The following ZNF385B variants were observed in gnomAD, a reference collection of about 807,000 sequenced individuals.
The protein encoded by ZNF385B is zinc finger protein 385B.
ZNF385B carries 23 observed loss-of-function variants against 39.2 expected under a neutral mutation model. The observed-to-expected ratio is 0.59, with a 90% CI of 0.42 to 0.83. The LOEUF (loss-of-function observed/expected upper bound fraction) is 0.83. Ranked by LOEUF, ZNF385B falls within the 40% of genes least tolerant of loss-of-function variation. The pLI, the probability that ZNF385B is intolerant of heterozygous loss-of-function variation, is 0.00. For synonymous variants in ZNF385B, 205 were observed against 222.6 expected, an observed-to-expected ratio of 0.92 and a Z score of 0.70; for missense variants, 552 against 598.9, an observed-to-expected ratio of 0.92 and a Z score of 0.82.
At chr2:179,588,094 T>C (rs1687234139) in intron 3 of ZNF385B, among the ~76,000 whole-genome samples, 1 of 151,952 alleles carries the variant, frequency 6.6e-6, no homozygotes, top group Non-Finnish European at 1.5e-5. Flanking sequence ...TCTCTTTTAT[T>C]TTTTTTCCCC....
At chr2:179,777,443 C>G (rs920655962) in intron 1 of ZNF385B, among the ~76,000 whole-genome samples, 2 of 152,046 alleles carry the variant, frequency 1.3e-5, no homozygotes, top group African/African-American at 2.4e-5. Flanking sequence ...AAATGTAGCA[C>G]TAGCTAAATA....
At chr2:179,821,376 A>G (rs1292921055) in intron 1 of ZNF385B, among the ~76,000 whole-genome samples, 2 of 152,210 alleles carry the variant, frequency 1.3e-5, no homozygotes, top group African/African-American at 4.8e-5. Flanking sequence ...ATTCCCTCCA[A>G]CAAAGGATGC....
chr2:179,682,414 A>T (rs1054867631), intron 3 of ZNF385B, among the ~76,000 whole-genome samples: 4 of 152,140 alleles, frequency 2.6e-5, no homozygotes, highest in African/African-American at 9.7e-5. Context: ...TTCTCAAATT[A>T]TTTTTAAAAC....
Position 179,802,706 on chromosome 2 carries a change from T to C in ZNF385B, c.-154-32034A>G, listed in dbSNP as rs1280751315. Reference sequence around the variant, plus strand: ...TAGAATGGTACAGCTGTTTTGAAGCTGAATGACAGTGATTCAAACAGGCAT... The same window carrying C: ...TAGAATGGTACAGCTGTTTTGAAGCCGAATGACAGTGATTCAAACAGGCAT... On this transcript the variant is annotated intron_variant, in intron 1 of 9. Transcript: ENST00000410066. 2.0e-5 allele frequency: 3 copies of C among 152,222 alleles called. No homozygotes were observed. The East Asian group carries it at 5.8e-4, about 29-fold the overall frequency. 9.4% of individuals were successfully genotyped at this position (152,222 alleles called of 1,614,324 possible).
chr2:179,526,193 T>C (rs2058882399), intron 4 of ZNF385B, among the ~76,000 whole-genome samples: 1 of 151,350 alleles, frequency 6.6e-6, no homozygotes, highest in Admixed American at 6.6e-5. Flanking sequence ...TGTGCCACCA[T>C]ACCCAGCTAA....
At chr2:179,707,042 A>G (rs1699654024) in intron 3 of ZNF385B, among the ~76,000 whole-genome samples, 1 of 152,144 alleles carries the variant, frequency 6.6e-6, no homozygotes, top group Non-Finnish European at 1.5e-5. Context: ...GAGGGGTGAG[A>G]TGAGCCCATA....
intron 3 of ZNF385B, among the ~76,000 whole-genome samples, chr2:179,560,699 A>G (rs1300407099): frequency 2.6e-5 from 4 of 151,668 alleles, no homozygotes; most frequent in Admixed American, 2.6e-4. Context: ...GTTTCTGTAC[A>G]TTTGCGTACC....
intron 1 of ZNF385B, among the ~76,000 whole-genome samples, chr2:179,833,645 C>G (rs1172750127): frequency 2.6e-5 from 4 of 152,116 alleles, no homozygotes; most frequent in East Asian, 1.9e-4. Flanking sequence ...TTTTAAAACA[C>G]CTGGTAGTAC....
chr2:179,682,664 G>A (rs184239719), intron 3 of ZNF385B, among the ~76,000 whole-genome samples: 2 of 152,118 alleles, frequency 1.3e-5, no homozygotes, highest in Non-Finnish European at 2.9e-5. Context: ...CTGAATCCAA[G>A]AAGAAAATAA....
chr2:179,489,472 T>C (rs996810232), intron 5 of ZNF385B, among the ~76,000 whole-genome samples: 2 of 152,198 alleles, frequency 1.3e-5, no homozygotes, highest in African/African-American at 4.8e-5. Context: ...TAATCTTACA[T>C]TAAATTAATT....
chr2:179,757,733 G>C (rs1456225714), intron 3 of ZNF385B, among the ~76,000 whole-genome samples: 1 of 152,198 alleles, frequency 6.6e-6, no homozygotes, highest in Non-Finnish European at 1.5e-5. Context: ...CAATGAGCGA[G>C]GCTCCGTGGG....
At chr2:179,572,217 TA>T (rs1244144639) in intron 3 of ZNF385B, among the ~76,000 whole-genome samples, 1 of 152,152 alleles carries the variant, frequency 6.6e-6, no homozygotes, top group East Asian at 1.9e-4. Context: ...TATTTATGAA[TA>T]AAAAAATCCA....
chr2:179,557,757 T>C (rs2061042896), intron 3 of ZNF385B, among the ~76,000 whole-genome samples: 1 of 151,860 alleles, frequency 6.6e-6, no homozygotes, highest in South Asian at 2.1e-4. Context: ...AGGGTACATG[T>C]ATAGGTTTAT....
chr2:179,565,159 T>C (rs1684410736), intron 3 of ZNF385B, among the ~76,000 whole-genome samples: 1 of 152,194 alleles, frequency 6.6e-6, no homozygotes, highest in Non-Finnish European at 1.5e-5. Flanking sequence ...TCAATCATTA[T>C]CCTACTCAAA....
intron 5 of ZNF385B, among the ~76,000 whole-genome samples, chr2:179,506,434 T>C (rs2057261704): frequency 6.6e-6 from 1 of 152,146 alleles, no homozygotes; most frequent in South Asian, 2.1e-4. Flanking sequence ...ATGCATCTTT[T>C]AAAGTTATGT....
chr2:179,544,928 T>G lies in ZNF385B; in HGVS notation c.340A>C (p.Thr114Pro). The G allele has an allele frequency of 6.2e-7, 1 of 1,614,066 alleles. No individual in the cohort carries two copies. Among genetic ancestry groups the G allele is most frequent in the Non-Finnish European group, 8.5e-7 (1 of 1,179,952 alleles). The change falls in exon 4 of 10, where the codon ACA becomes CCA. Residue 114 changes from threonine (T) to proline (P), a missense_variant. Physicochemically the swap from Thr to Pro is conservative, Grantham distance 38. Coordinates refer to ENST00000410066, the MANE Select transcript of ZNF385B (RefSeq NM_152520.6). ...HTTTLPALVR[T>P]PTLMMQPSLD... ...GAAGGCTGCATCATCAGGGTAGGTG[T>G]GCGCACAAGAGCAGGAAGGGTAGTA... is the stretch of plus-strand genomic sequence containing the variant.
intron 1 of ZNF385B, among the ~76,000 whole-genome samples, chr2:179,832,420 T>G (rs373967277): frequency 6.6e-6 from 1 of 152,332 alleles, no homozygotes; most frequent in East Asian, 1.9e-4. Flanking sequence ...GGTCAGTATT[T>G]GCATGTAAAA....
intron 3 of ZNF385B, among the ~76,000 whole-genome samples, chr2:179,697,219 T>A (rs888529149): frequency 1.3e-5 from 2 of 152,220 alleles, no homozygotes; most frequent in Admixed American, 1.3e-4. Flanking sequence ...TCCATCTGAC[T>A]ATGACTGTTT....
chr2:179,806,703 G>A (rs1019107464), intron 1 of ZNF385B, among the ~76,000 whole-genome samples: 4 of 152,078 alleles, frequency 2.6e-5, no homozygotes, highest in African/African-American at 9.7e-5. Flanking sequence ...TTCCTAATTT[G>A]TCAATGAGCC....
Sources: allele counts gnomAD v4.1 joint callset (sites outside exome capture counted in the v4.1 genomes callset), GRCh38; gene constraint gnomAD v4.1.1; transcripts MANE v1.5; gene names NCBI Gene and HGNC (gene_info 2026-07-23, HGNC 2026-07-21).